PIGL: variants seen among roughly 807,000 people sequenced by gnomAD.
The protein encoded by PIGL is phosphatidylinositol glycan anchor biosynthesis class L, also known as N-acetylglucosaminyl-phosphatidylinositol de-N-acetylase.
A neutral mutation model predicts 31.1 loss-of-function variants in PIGL; 22 were observed. The ratio of observed to expected loss-of-function variants is 0.71; its 90% CI spans 0.51 to 1.01. The LOEUF is 1.01. PIGL is among the 50% of genes least tolerant of loss of function. The probability of loss-of-function intolerance (pLI) is 0.00; values close to 1 mark genes in which losing one functional copy is unlikely to be tolerated. For missense variants in PIGL, 302 were observed against 315.9 expected (o/e 0.96, Z 0.33); for synonymous variants, 131 against 117.4 (o/e 1.12, Z -0.75).
chr17:16,258,241 G>A (rs531784862), intron 2 of PIGL, among the ~76,000 whole-genome samples: 17 of 144,612 alleles, frequency 1.2e-4, no homozygotes, highest in African/African-American at 3.0e-4. Context: ...GTGCAGTGGC[G>A]TGATCTTGGC....
intron 2 of PIGL, among the ~76,000 whole-genome samples, chr17:16,299,356 G>C (rs1308745519): frequency 6.6e-6 from 1 of 151,686 alleles, no homozygotes; most frequent in African/African-American, 2.4e-5. Context: ...TCAGGAGGCT[G>C]AGGCAGGAAC....
chr17:16,312,622 C>T (rs2093058487), intron 3 of PIGL: 1 of 171,658 alleles, frequency 5.8e-6, no homozygotes. Flanking sequence ...GCACTCCAGC[C>T]TGGGCAACAT....
chr17:16,264,599 C>CATTATTATTATT (rs67790275), intron 2 of PIGL, among the ~76,000 whole-genome samples: 1 of 144,022 alleles, frequency 6.9e-6, no homozygotes, highest in Non-Finnish European at 1.5e-5. Flanking sequence ...AACACATCGT[C>CATTATTATTATT]ATTATTATTA....
At chr17:16,298,790 G>A (rs1310070804) in intron 2 of PIGL, among the ~76,000 whole-genome samples, 1 of 150,954 alleles carries the variant, frequency 6.6e-6, no homozygotes, top group Non-Finnish European at 1.5e-5. Flanking sequence ...CACTTTGGGA[G>A]GCTGAGGTGG....
intron 2 of PIGL, among the ~76,000 whole-genome samples, chr17:16,262,340 A>G (rs1360761058): frequency 6.6e-6 from 1 of 152,230 alleles, no homozygotes; most frequent in Admixed American, 6.5e-5. Flanking sequence ...GTTCAACATC[A>G]TAAGTCATTA....
At chr17:16,262,023 G>A (rs1222470722) in intron 2 of PIGL, among the ~76,000 whole-genome samples, 1 of 152,002 alleles carries the variant, frequency 6.6e-6, no homozygotes, top group African/African-American at 2.4e-5. Flanking sequence ...AGGAGTTCAA[G>A]ACCAGCCTGG....
At chr17:16,321,535 C>T (rs908711558) in intron 6 of PIGL, among the ~76,000 whole-genome samples, 7 of 151,814 alleles carry the variant, frequency 4.6e-5, no homozygotes, top group South Asian at 2.1e-4. Context: ...CCACCATGCC[C>T]GGCCCATATT....
At chr17:16,259,311 C>T (rs1600790439) in intron 2 of PIGL, among the ~76,000 whole-genome samples, 1 of 151,068 alleles carries the variant, frequency 6.6e-6, no homozygotes, top group Admixed American at 6.6e-5. Flanking sequence ...ATACATTCTA[C>T]CCTCACATAT....
chr17:16,245,091 C>G (rs1335936329), intron 2 of PIGL, among the ~76,000 whole-genome samples: 1 of 151,992 alleles, frequency 6.6e-6, no homozygotes, highest in Non-Finnish European at 1.5e-5. Flanking sequence ...CTCCTGGATT[C>G]AAGCAATTTT....
At chr17:16,227,837 C>T (rs1034509479) in intron 1 of PIGL, among the ~76,000 whole-genome samples, 1 of 151,870 alleles carries the variant, frequency 6.6e-6, no homozygotes, top group African/African-American at 2.4e-5. Context: ...ACCTTGGCCC[C>T]CCAAAGTTTG....
chr17:16,309,653 C>A (rs986387745), intron 3 of PIGL, among the ~76,000 whole-genome samples: 1 of 151,964 alleles, frequency 6.6e-6, no homozygotes, highest in Non-Finnish European at 1.5e-5. Context: ...CCCAGCTACT[C>A]GGAAGGCGGA....
rs150283487 is a variant in PIGL, at chr17:16,237,694, G to C, written c.335+3624G>C. Reference sequence around the variant, plus strand: ...CATGCCCGAAATCCCAACTACTTGGGTGACTGAGGTGAGAGGATCACCTGA... The same window carrying C: ...CATGCCCGAAATCCCAACTACTTGGCTGACTGAGGTGAGAGGATCACCTGA... On this transcript the variant is annotated intron_variant, in intron 2 of 6. Transcript: ENST00000225609. Among the ~76,000 whole-genome samples the C allele has an allele frequency of 1.1e-3, 168 of 150,736 alleles. 4 individuals are homozygous for C. In the East Asian group the frequency reaches 0.029, roughly 26 times the overall value.
chr17:16,228,579 G>A (rs1003173007), intron 1 of PIGL, among the ~76,000 whole-genome samples: 4 of 150,488 alleles, frequency 2.7e-5, no homozygotes, highest in East Asian at 2.0e-4. Context: ...TAGTAGAGAC[G>A]GGGTTTCACC....
intron 3 of PIGL, among the ~76,000 whole-genome samples, chr17:16,310,736 T>C (rs950991682): frequency 3.9e-5 from 6 of 152,160 alleles, no homozygotes; most frequent in African/African-American, 1.2e-4. Flanking sequence ...GGTTTCGCCA[T>C]GTTGGCCAGG....
chr17:16,277,875 C>T (rs1055991142), intron 2 of PIGL, among the ~76,000 whole-genome samples: 1 of 152,106 alleles, frequency 6.6e-6, no homozygotes, highest in Non-Finnish European at 1.5e-5. Flanking sequence ...TACACTAAGT[C>T]ATATCAGAAT....
intron 3 of PIGL, 65 bp from the exon 4 acceptor site, chr17:16,313,471 CAAGGGAAGGAG>C (rs1450305919): frequency 9.3e-7 from 1 of 1,070,734 alleles, no homozygotes; most frequent in Non-Finnish European, 1.5e-6. Flanking sequence ...CTCTCCTTCC[CAAGGGAAGGAG>C]ACAGCTCCAT....
intron 2 of PIGL, among the ~76,000 whole-genome samples, chr17:16,270,936 T>C (rs1331970977): frequency 1.3e-5 from 2 of 151,988 alleles, no homozygotes; most frequent in Non-Finnish European, 2.9e-5. Context: ...ATCCCTCCCT[T>C]GGACTCATTT....
chr17:16,286,251 G>T (rs1395204736), intron 2 of PIGL, among the ~76,000 whole-genome samples: 2 of 152,274 alleles, frequency 1.3e-5, no homozygotes, highest in African/African-American at 4.8e-5. Context: ...GGTTTTCAGA[G>T]ATAAGCTGTT....
intron 2 of PIGL, 44 bp from the exon 3 acceptor site, chr17:16,299,844 T>A: frequency 3.6e-6 from 5 of 1,397,110 alleles, no homozygotes; most frequent in Non-Finnish European, 5.1e-6. Context: ...GAGAAGGTTG[T>A]GCCTGATTAG....
Sources: gnomAD v4.1 joint callset for allele counts (sites outside exome capture counted in the v4.1 genomes callset) on GRCh38, gnomAD v4.1.1 for gene constraint, MANE v1.5 for transcripts, NCBI Gene and HGNC (gene_info 2026-07-23, HGNC 2026-07-21) for gene names.